PPARGC1A: variants seen among roughly 807,000 people sequenced by gnomAD.
PPARGC1A encodes the protein peroxisome proliferator-activated receptor gamma coactivator 1-alpha.
A neutral mutation model predicts 88.7 loss-of-function variants in PPARGC1A; 25 were observed. The observed-to-expected ratio is 0.28, with a 90% confidence interval of 0.21 to 0.39. PPARGC1A has a LOEUF of 0.39. Among genes scored for constraint, PPARGC1A ranks in the 10% least tolerant of loss-of-function variants. The pLI is 1.00. For missense variants in PPARGC1A, 880 were observed against 968.7 expected (o/e 0.91, Z 1.22); for synonymous variants, 363 against 355.6 (o/e 1.02, Z -0.24).
chr4:24,470,275 CAG>C, the PPARGC1A span, among the ~76,000 whole-genome samples: 1,033 of 114,728 alleles, frequency 9.0e-3, 13 homozygotes, highest in Middle Eastern at 0.015. This position sits in a 1 kb window ranked among gnomAD's most constrained non-coding sequence, Gnocchi z 5.8. Context: ...TCGACAGACA[CAG>C]ACACACACAC....
chr4:24,176,265 C>T, the PPARGC1A span, among the ~76,000 whole-genome samples: 3 of 152,202 alleles, frequency 2.0e-5, no homozygotes, highest in Non-Finnish European at 2.9e-5. Context: ...TAGAACAGTG[C>T]TGCCCCCAAA....
chr4:24,326,205 TCC>T, the PPARGC1A span, among the ~76,000 whole-genome samples: 1 of 152,024 alleles, frequency 6.6e-6, no homozygotes, highest in Non-Finnish European at 1.5e-5. Flanking sequence ...CAATATCCCA[TCC>T]CACAGCATGC....
chr4:24,297,956 A>G, the PPARGC1A span, among the ~76,000 whole-genome samples: 6 of 152,232 alleles, frequency 3.9e-5, no homozygotes, highest in Non-Finnish European at 8.8e-5. Flanking sequence ...GACATGTGGT[A>G]GCCAAAGAAA....
At chr4:24,289,970 G>A in the PPARGC1A span, among the ~76,000 whole-genome samples, 3 of 152,178 alleles carry the variant, frequency 2.0e-5, no homozygotes, top group Non-Finnish European at 2.9e-5. Flanking sequence ...TTGATGAGGA[G>A]CAAAGTCACA....
the PPARGC1A span, among the ~76,000 whole-genome samples, chr4:24,419,643 C>T: frequency 6.6e-6 from 1 of 151,818 alleles, no homozygotes; most frequent in African/African-American, 2.4e-5. Flanking sequence ...TAGGGGCGCA[C>T]TCATTCTCAG....
At chr4:24,023,883 T>A in the PPARGC1A span, among the ~76,000 whole-genome samples, 4 of 152,218 alleles carry the variant, frequency 2.6e-5, no homozygotes, top group Admixed American at 6.5e-5. Context: ...GTATCCCTGA[T>A]AATTGATAGC....
the PPARGC1A span, among the ~76,000 whole-genome samples, chr4:24,469,021 A>G: frequency 6.6e-6 from 1 of 152,170 alleles, no homozygotes; most frequent in African/African-American, 2.4e-5. Flanking sequence ...TAAGCACTAT[A>G]TAACACTAGG....
the PPARGC1A span, among the ~76,000 whole-genome samples, chr4:23,928,886 C>T: frequency 6.6e-6 from 1 of 151,622 alleles, no homozygotes; most frequent in South Asian, 2.1e-4. Context: ...AACAGAAAAC[C>T]AAACACTGCT....
the PPARGC1A span, among the ~76,000 whole-genome samples, chr4:24,392,947 C>T: frequency 6.6e-6 from 1 of 151,896 alleles, no homozygotes; most frequent in Non-Finnish European, 1.5e-5. Context: ...GTCTCTTAGG[C>T]TTCAAATGAA....
the PPARGC1A span, among the ~76,000 whole-genome samples, chr4:24,380,397 T>A: frequency 6.6e-6 from 1 of 152,090 alleles, no homozygotes; most frequent in African/African-American, 2.4e-5. Context: ...AAGAATACGA[T>A]CAGGAATCAA....
chr4:24,046,974 G>A, the PPARGC1A span, among the ~76,000 whole-genome samples: 1 of 152,106 alleles, frequency 6.6e-6, no homozygotes, highest in African/African-American at 2.4e-5. Flanking sequence ...ATTCACTCCT[G>A]TTGTGTTAAG....
chr4:24,150,449 C>T, the PPARGC1A span, among the ~76,000 whole-genome samples: 6 of 152,120 alleles, frequency 3.9e-5, no homozygotes, highest in African/African-American at 1.4e-4. Flanking sequence ...GATTAAACAA[C>T]GTTCAGAAAA....
At chr4:24,244,218 A>G in the PPARGC1A span, among the ~76,000 whole-genome samples, 1 of 152,198 alleles carries the variant, frequency 6.6e-6, no homozygotes, top group African/African-American at 2.4e-5. Context: ...AGTACAGGGA[A>G]AGAAAAGAAG....
the PPARGC1A span, among the ~76,000 whole-genome samples, chr4:24,067,642 T>C: frequency 6.6e-6 from 1 of 152,188 alleles, no homozygotes; most frequent in Non-Finnish European, 1.5e-5. Context: ...CCTAGGGAAT[T>C]AGATCCTTCT....
intron 1 of PPARGC1A, among the ~76,000 whole-genome samples, chr4:23,888,463 T>TGCCA (rs1717277835): frequency 6.6e-6 from 1 of 152,116 alleles, no homozygotes; most frequent in South Asian, 2.1e-4. Context: ...AGACCCACAG[T>TGCCA]GCCAGCCAGA....
chr4:24,050,888 G>A, the PPARGC1A span, among the ~76,000 whole-genome samples: 4 of 152,036 alleles, frequency 2.6e-5, no homozygotes, highest in Non-Finnish European at 1.5e-5. Context: ...ACCTTCCCAA[G>A]GCCTAAAGAA....
At chr4:23,865,122 T>C (rs1274337734) in intron 2 of PPARGC1A, among the ~76,000 whole-genome samples, 1 of 151,884 alleles carries the variant, frequency 6.6e-6, no homozygotes, top group African/African-American at 2.4e-5. Context: ...GAGGTGGAGG[T>C]TGTAGTGAAC....
chr4:24,346,790 G>A, the PPARGC1A span, among the ~76,000 whole-genome samples: 1 of 151,694 alleles, frequency 6.6e-6, no homozygotes, highest in Non-Finnish European at 1.5e-5. Flanking sequence ...TTTGATGTTG[G>A]TTATTTCCTT....
the PPARGC1A span, among the ~76,000 whole-genome samples, chr4:24,283,384 C>A: frequency 6.6e-6 from 1 of 152,202 alleles, no homozygotes; most frequent in Non-Finnish European, 1.5e-5. Context: ...ATACCACCTG[C>A]CCTACCCACC....
Sources: allele counts gnomAD v4.1 joint callset (sites outside exome capture counted in the v4.1 genomes callset), GRCh38; gene constraint gnomAD v4.1.1; non-coding constraint Gnocchi (gnomAD v3.1); transcripts MANE v1.5; gene names NCBI Gene and HGNC (gene_info 2026-07-23, HGNC 2026-07-21).